Variants in DNAJB6 observed in about 807,000 individuals in gnomAD.
DNAJB6 encodes dnaJ homolog subfamily B member 6.
In DNAJB6, 16 loss-of-function variants were observed where a neutral mutation model predicts 42.7. The observed-to-expected ratio is 0.37, with a 90% CI of 0.25 to 0.57. The LOEUF (loss-of-function observed/expected upper bound fraction) is 0.57. DNAJB6 is among the 20% of genes least tolerant of loss of function. The pLI is 0.74. For synonymous variants in DNAJB6, 170 were observed against 163.5 expected, an observed-to-expected ratio of 1.04 and a Z score of -0.30; for missense variants, 347 against 416.8, an observed-to-expected ratio of 0.83 and a Z score of 1.46.
chr7:157,341,739 A>G (rs1798396419), intron 1 of DNAJB6, among the ~76,000 whole-genome samples: 1 of 152,264 alleles, frequency 6.6e-6, no homozygotes, highest in East Asian at 1.9e-4. Context: ...CTTAGAAAGT[A>G]TTGATTGAAT....
Position 157,351,185 on chromosome 7 carries a change from C to A in DNAJB6, c.-26-7362C>A, listed in dbSNP as rs1033051536. Among the ~76,000 whole-genome samples the A allele has an allele frequency of 2.6e-5, 4 of 152,128 alleles. 1 individual carries two copies. Among genetic ancestry groups the A allele is most frequent in the Admixed American group, 2.0e-4 (3 of 15,262 alleles). On this transcript the variant is annotated intron_variant, in intron 1 of 9. Transcript: ENST00000262177. ...TCTACCTCAGGTGATCCGCCCCCCTCAGCCTGAGCCACCATACCTGTCCTG... is the reference window on the plus strand; with the variant it reads ...TCTACCTCAGGTGATCCGCCCCCCTAAGCCTGAGCCACCATACCTGTCCTG...
At chr7:157,393,889 G>A (rs1376935339) in intron 8 of DNAJB6, among the ~76,000 whole-genome samples, 3 of 152,124 alleles carry the variant, frequency 2.0e-5, no homozygotes, top group African/African-American at 7.2e-5. Flanking sequence ...TTGTTGAGGG[G>A]TTTTCTTTCA....
At chr7:157,410,150 G>C (rs1032677857) in intron 9 of DNAJB6, 149 bp downstream of exon 9, 3 of 1,408,312 alleles carry the variant, frequency 2.1e-6, no homozygotes, top group Non-Finnish European at 2.8e-6. Context: ...AGGTAGCCTC[G>C]CTCTGCTCCT....
At chr7:157,358,914 A>G (rs752765203) in intron 2 of DNAJB6, among the ~76,000 whole-genome samples, 1 of 152,220 alleles carries the variant, frequency 6.6e-6, no homozygotes, top group African/African-American at 2.4e-5. Context: ...TTGGACTTTG[A>G]AAATGGAGCT....
rs771439631 is a variant in DNAJB6, at chr7:157,363,266, G to A, written c.171G>A (p.Ser57=). 16 of 1,605,270 alleles carry A rather than the reference G, an allele frequency of 1.0e-5. No homozygotes were observed. Among genetic ancestry groups the A allele is most frequent in the East Asian group, 8.9e-5 (4 of 44,834 alleles). Residue 57 remains serine (S), a synonymous_variant, in exon 3 of 10, where the codon TCG becomes TCA. Coordinates refer to ENST00000262177, the MANE Select transcript of DNAJB6 (RefSeq NM_058246.4). ...TAGCGGAGGCATATGAAGTGCTGTC[G>A]GATGGTGAGTGACAGCGAGCTGCTG... The part of the protein sequence containing the change: ...KQVAEAYEVL[S]DAKKRDIYDK...
intron 8 of DNAJB6, among the ~76,000 whole-genome samples, chr7:157,401,884 G>C (rs559991680): frequency 6.6e-6 from 1 of 152,192 alleles, no homozygotes; most frequent in African/African-American, 2.4e-5. Context: ...GCGGGCTGGC[G>C]CCTGCCTTCT....
At chr7:157,342,950 G>GT (rs11352517) in intron 1 of DNAJB6, among the ~76,000 whole-genome samples, 6,355 of 148,300 alleles carry the variant, frequency 0.043, 438 homozygotes, top group African/African-American at 0.15. Flanking sequence ...ACTGCTGTGG[G>GT]TTTTTTTTTT....
At chr7:157,404,201 C>G (rs561104843) in intron 8 of DNAJB6, among the ~76,000 whole-genome samples, 1 of 151,452 alleles carries the variant, frequency 6.6e-6, no homozygotes, top group African/African-American at 2.4e-5. Context: ...ACTCTTGGGC[C>G]CAAGTGATCT....
At chr7:157,368,216 AT>A (rs1299531880) in intron 5 of DNAJB6, among the ~76,000 whole-genome samples, 3 of 152,078 alleles carry the variant, frequency 2.0e-5, no homozygotes, top group African/African-American at 4.8e-5. Flanking sequence ...GGTTTAATGT[AT>A]TTTTTTCTTT....
intron 5 of DNAJB6, among the ~76,000 whole-genome samples, chr7:157,376,059 G>T (rs932152655): frequency 6.6e-6 from 1 of 152,180 alleles, no homozygotes; most frequent in African/African-American, 2.4e-5. Flanking sequence ...GCTTAGTGCT[G>T]CCCTGAGATG....
Position 157,397,232 on chromosome 7 carries a change from TAAC to T in DNAJB6, c.691+11626_691+11628del, listed in dbSNP as rs373356256. 3.2e-3 allele frequency among the ~76,000 whole-genome samples: 493 copies of T among 152,300 alleles called. 3 individuals are homozygous for T. Among genetic ancestry groups the T allele is most frequent in the African/African-American group, 0.011 (474 of 41,568 alleles). Reference sequence around the variant, plus strand: ...AAGTTGCTAAGCTGCGCTGAGGTGGTAACAACAGCATGTGGCCTCCACCTCACG... The same window carrying T: ...AAGTTGCTAAGCTGCGCTGAGGTGGTAACAGCATGTGGCCTCCACCTCACG... On this transcript the variant is annotated intron_variant, in intron 8 of 9. Coordinates refer to ENST00000262177, the MANE Select transcript of DNAJB6 (RefSeq NM_058246.4).
intron 5 of DNAJB6, among the ~76,000 whole-genome samples, chr7:157,370,575 A>G (rs1397195344): frequency 6.6e-6 from 1 of 152,200 alleles, no homozygotes; most frequent in Non-Finnish European, 1.5e-5. Context: ...TAAAGAAGGT[A>G]TAGAGATCTA....
At position 157,416,297 on chromosome 7, in the gene DNAJB6, G is replaced by T. The variant is rs998313618; in HGVS notation, c.*199G>T. ...GACGGCACGGGTGGCGGGGACAGAC[G>T]TTTGGGACTTGGCCGCGACTCTCTG... On this transcript the variant is annotated 3_prime_UTR_variant, in exon 10 of 10. Coordinates refer to ENST00000262177, the MANE Select transcript of DNAJB6 (RefSeq NM_058246.4). 2 of 738,316 alleles carry T rather than the reference G, an allele frequency of 2.7e-6. No homozygotes were observed. The highest frequency in any genetic ancestry group is 2.0e-5 in the South Asian group (1 of 50,448). The allele number at this position is 738,316 out of a possible 1,614,324, so 45.7% of individuals were successfully genotyped here.
At chr7:157,390,880 G>A (rs1801307351) in intron 8 of DNAJB6, among the ~76,000 whole-genome samples, 1 of 152,104 alleles carries the variant, frequency 6.6e-6, no homozygotes, top group Non-Finnish European at 1.5e-5. Context: ...CTCTAACCCA[G>A]GCTGGAGTAC....
intron 5 of DNAJB6, chr7:157,380,358 A>G (rs1265618851): frequency 6.6e-6 from 1 of 152,188 alleles, no homozygotes; most frequent in Non-Finnish European, 1.5e-5. Flanking sequence ...AATTCACAAA[A>G]TGTTCCTAGT....
intron 8 of DNAJB6, among the ~76,000 whole-genome samples, chr7:157,390,872 C>A (rs555310240): frequency 6.6e-6 from 1 of 152,286 alleles, no homozygotes; most frequent in African/African-American, 2.4e-5. Flanking sequence ...TTCTCTCTCT[C>A]TAACCCAGGC....
At chr7:157,399,533 C>T (rs1049398794) in intron 8 of DNAJB6, among the ~76,000 whole-genome samples, 8 of 152,218 alleles carry the variant, frequency 5.3e-5, no homozygotes, top group African/African-American at 1.9e-4. Flanking sequence ...GGTTTGCGGC[C>T]TAGCAGCAGT....
intron 5 of DNAJB6, chr7:157,369,466 G>A: frequency 2.2e-6 from 1 of 455,874 alleles, no homozygotes; most frequent in South Asian, 1.6e-5. Context: ...TCTCTTCTGG[G>A]GCACACGAGG....
intron 5 of DNAJB6, chr7:157,369,566 A>G (rs557780029): frequency 8.8e-5 from 30 of 340,280 alleles, no homozygotes; most frequent in South Asian, 2.0e-4. Context: ...TCTTACCATT[A>G]TTATTAAACA....
Sources: allele counts gnomAD v4.1 joint callset (sites outside exome capture counted in the v4.1 genomes callset), GRCh38; gene constraint gnomAD v4.1.1; transcripts MANE v1.5; gene names NCBI Gene and HGNC (gene_info 2026-07-23, HGNC 2026-07-21).